SCEL: variants seen among roughly 807,000 people sequenced by gnomAD.
SCEL encodes sciellin.
A neutral mutation model predicts 117.6 loss-of-function variants in SCEL; 113 were observed. That is an observed-to-expected ratio of 0.96 (90% CI 0.83 to 1.12). The LOEUF is 1.12. Ranked by LOEUF, SCEL falls within the 50% of genes most tolerant of loss-of-function variation. The probability of loss-of-function intolerance (pLI) is 0.00; values close to 1 mark genes in which losing one functional copy is unlikely to be tolerated. For synonymous variants in SCEL, 270 were observed against 256.2 expected (o/e 1.05, Z -0.51); for missense variants, 785 against 810.8 (o/e 0.97, Z 0.39).
At chr13:77,548,697 A>G (rs1267491002) in intron 1 of SCEL, among the ~76,000 whole-genome samples, 1 of 152,168 alleles carries the variant, frequency 6.6e-6, no homozygotes, top group Non-Finnish European at 1.5e-5. Flanking sequence ...ACTGTTCTCA[A>G]GATAGTGAAT....
At chr13:77,545,181 CT>C (rs1328109413) in intron 1 of SCEL, among the ~76,000 whole-genome samples, 1 of 152,134 alleles carries the variant, frequency 6.6e-6, no homozygotes, top group Admixed American at 6.5e-5. Flanking sequence ...TGGCAACAGC[CT>C]TTTGAAAAGC....
intron 6 of SCEL, 150 bp from the exon 7 acceptor site, chr13:77,568,145 A>G (rs377462839): frequency 1.6e-6 from 1 of 609,982 alleles, no homozygotes; most frequent in South Asian, 2.1e-5. Flanking sequence ...TCATGAAATC[A>G]TCTTATGAAA....
rs2090720004 is a variant in SCEL at position 77,644,901 on chromosome 13, T to G, written c.*627T>G. ...GATTCTAAAGCAGTTTTTAGAATCATTAGCTCTTTGGAAACATATATGCAT... is the reference window on the plus strand; with the variant it reads ...GATTCTAAAGCAGTTTTTAGAATCAGTAGCTCTTTGGAAACATATATGCAT... On this transcript the variant is annotated 3_prime_UTR_variant, in exon 33 of 33. Transcript: ENST00000349847. 6.6e-6 allele frequency: 1 copy of G among 152,314 alleles called. No homozygotes were observed. Among genetic ancestry groups the G allele is most frequent in the Non-Finnish European group, 1.5e-5 (1 of 68,124 alleles). The allele number at this position is 152,314 out of a possible 1,614,324, so 9.4% of individuals were successfully genotyped here. A position where few individuals can be genotyped will look rare whatever the true frequency, so the allele number is the denominator to read the frequency against.
intron 27 of SCEL, among the ~76,000 whole-genome samples, chr13:77,625,882 A>T (rs2089704714): frequency 6.6e-6 from 1 of 152,332 alleles, no homozygotes; most frequent in Non-Finnish European, 1.5e-5. Flanking sequence ...AATTCCAAAG[A>T]TGTGACAATT....
chr13:77,593,422 T>G, intron 11 of SCEL, 92 bp from the exon 12 acceptor site: 1 of 900,694 alleles, frequency 1.1e-6, no homozygotes, highest in Non-Finnish European at 1.8e-6. Context: ...CTAGACTATT[T>G]ACTTTATTTA....
intron 1 of SCEL, among the ~76,000 whole-genome samples, chr13:77,547,224 T>TA (rs1345876721): frequency 6.6e-6 from 1 of 152,142 alleles, no homozygotes; most frequent in Non-Finnish European, 1.5e-5. Flanking sequence ...TTAAACATTT[T>TA]AAAAAATGTG....
At chr13:77,620,449 C>T (rs7338498) in intron 27 of SCEL, among the ~76,000 whole-genome samples, 1,971 of 152,324 alleles carry the variant, frequency 0.013, 30 homozygotes, top group African/African-American at 0.038. Context: ...GTTCTTTCAT[C>T]TGACTTTGCT....
chr13:77,611,499 C>A (rs1460253310), intron 22 of SCEL, among the ~76,000 whole-genome samples: 1 of 152,206 alleles, frequency 6.6e-6, no homozygotes, highest in African/African-American at 2.4e-5. Context: ...TTACATTACA[C>A]ATTAAGATTC....
At chr13:77,621,113 T>A (rs1280312906) in intron 27 of SCEL, among the ~76,000 whole-genome samples, 2 of 152,134 alleles carry the variant, frequency 1.3e-5, no homozygotes, top group Non-Finnish European at 2.9e-5. Flanking sequence ...CCTCCTAACT[T>A]GCCCCTCTGC....
chr13:77,537,860 G>T (rs2083488817), intron 1 of SCEL, among the ~76,000 whole-genome samples: 1 of 152,158 alleles, frequency 6.6e-6, no homozygotes, highest in African/African-American at 2.4e-5. Flanking sequence ...TTGTTTAACT[G>T]AGAGTATCTT....
chr13:77,601,631 T>C (rs2087705074), intron 15 of SCEL, among the ~76,000 whole-genome samples: 1 of 152,238 alleles, frequency 6.6e-6, no homozygotes, highest in Non-Finnish European at 1.5e-5. Flanking sequence ...TCTGCTAACT[T>C]TTTAAGAGAA....
At chr13:77,627,873 T>G (rs948041331) in intron 27 of SCEL, 74 bp from the exon 28 acceptor site, 2 of 570,564 alleles carry the variant, frequency 3.5e-6, no homozygotes, top group Admixed American at 5.4e-5. Flanking sequence ...GTACTGATTT[T>G]AAAATGTTTT....
intron 24 of SCEL, among the ~76,000 whole-genome samples, chr13:77,615,733 C>T (rs528724095): frequency 5.2e-4 from 79 of 152,050 alleles, no homozygotes; most frequent in African/African-American, 1.8e-3. Flanking sequence ...TTGCATGATG[C>T]TATCAATCAA....
At chr13:77,597,317 T>C (rs1364279474) in intron 12 of SCEL, among the ~76,000 whole-genome samples, 1 of 151,842 alleles carries the variant, frequency 6.6e-6, no homozygotes, top group Non-Finnish European at 1.5e-5. Context: ...AAAAAACAAA[T>C]GCTGCAAGGG....
chr13:77,563,797 ATT>A (rs58662011), intron 4 of SCEL, 32 bp from the exon 5 acceptor site: 489 of 1,225,144 alleles, frequency 4.0e-4, no homozygotes, highest in South Asian at 9.2e-4. Flanking sequence ...AATTGATTTG[ATT>A]TTTTTTTTTT....
rs920189669 is a variant in SCEL, at chr13:77,609,986, A to G, written c.1278-61A>G. ...ATAATAAAAGTATTTCTCTGTTTTA[A>G]CAAACACTTGAAACCATTCGATTTA... On this transcript the variant is annotated intron_variant, in intron 21 of 32. Coordinates refer to ENST00000349847, the MANE Select transcript of SCEL (RefSeq NM_144777.3). 16 of 1,023,468 alleles carry G rather than the reference A, an allele frequency of 1.6e-5. No homozygotes were observed. In the African/African-American group the frequency reaches 2.7e-4, roughly 17 times the overall value. 63.4% of individuals were successfully genotyped at this position (1,023,468 alleles called of 1,614,324 possible). A position where few individuals can be genotyped will look rare whatever the true frequency, so the allele number is the denominator to read the frequency against.
At chr13:77,593,174 G>A (rs1426999160) in intron 11 of SCEL, among the ~76,000 whole-genome samples, 1 of 151,900 alleles carries the variant, frequency 6.6e-6, no homozygotes, top group African/African-American at 2.4e-5. Flanking sequence ...CTGGGAGCTG[G>A]CAATACAAGT....
chr13:77,637,227 T>A, intron 30 of SCEL, 33 bp downstream of exon 30: 1 of 1,065,682 alleles, frequency 9.4e-7, no homozygotes, highest in Non-Finnish European at 1.3e-6. Flanking sequence ...ACATAAAAAG[T>A]ACACACATAC....
chr13:77,617,529 C>T (rs2089141569), intron 24 of SCEL, 70 bp from the exon 25 acceptor site: 1 of 874,686 alleles, frequency 1.1e-6, no homozygotes, highest in Non-Finnish European at 1.8e-6. Context: ...TCCTTTCTAT[C>T]CATTTCCAAT....
Sources: allele counts gnomAD v4.1 joint callset (sites outside exome capture counted in the v4.1 genomes callset), GRCh38; gene constraint gnomAD v4.1.1; transcripts MANE v1.5; gene names NCBI Gene and HGNC (gene_info 2026-07-23, HGNC 2026-07-21).